The following TSPAN5 variants were observed in gnomAD, a reference collection of about 807,000 sequenced individuals.
The protein encoded by TSPAN5 is tetraspanin 5.
In TSPAN5, 10 loss-of-function variants were observed where a neutral mutation model predicts 37.1. The observed-to-expected ratio is 0.27, with a 90% CI of 0.17 to 0.46. TSPAN5 has a LOEUF of 0.46. Ranked by LOEUF, TSPAN5 falls within the 20% of genes least tolerant of loss-of-function variation. The pLI is 1.00. For missense variants in TSPAN5, 195 were observed against 326.6 expected (o/e 0.60, Z 3.11); for synonymous variants, 110 against 118.9 (o/e 0.93, Z 0.48).
At chr4:98,635,926 A>G (rs575668188) in intron 1 of TSPAN5, among the ~76,000 whole-genome samples, 2 of 152,342 alleles carry the variant, frequency 1.3e-5, no homozygotes, top group South Asian at 4.1e-4. Context: ...TAGGGTAGGG[A>G]TAGAAGAAGT....
rs115964306 is a variant in TSPAN5, at chr4:98,544,012, T to C, written c.82-36284A>G. On this transcript the variant is annotated intron_variant, in intron 1 of 7. Coordinates refer to ENST00000305798, the MANE Select transcript of TSPAN5 (RefSeq NM_005723.4). ...GGGCAACATAGTGAGATCTTGTCTC[T>C]ACAAGAAATTTTTAAAAATTAGCCA... 9.5e-3 allele frequency among the ~76,000 whole-genome samples: 1,452 copies of C among 152,076 alleles called. 26 individuals are homozygous for C. Among genetic ancestry groups the C allele is most frequent in the African/African-American group, 0.033 (1,382 of 41,454 alleles).
chr4:98,567,982 T>C (rs538396887), intron 1 of TSPAN5, among the ~76,000 whole-genome samples: 68 of 152,178 alleles, frequency 4.5e-4, no homozygotes, highest in African/African-American at 1.6e-3. Context: ...GACAACAGGA[T>C]CTACTTGAAA....
chr4:98,542,480 C>T (rs1487666964), intron 1 of TSPAN5, among the ~76,000 whole-genome samples: 2 of 151,718 alleles, frequency 1.3e-5, no homozygotes, highest in East Asian at 1.9e-4. Flanking sequence ...CTTTGGGAGG[C>T]AGAGGTGGCA....
intron 1 of TSPAN5, among the ~76,000 whole-genome samples, chr4:98,556,373 T>C (rs987145636): frequency 5.3e-5 from 8 of 152,126 alleles, no homozygotes; most frequent in Non-Finnish European, 1.2e-4. Context: ...GAGCTGCCTA[T>C]TGAGGAAAAA....
Position 98,658,554 on chromosome 4 carries a change from TC to T in TSPAN5, c.-329del. 1.2e-5 allele frequency: 2 copies of T among 170,776 alleles called. No individual in the cohort carries two copies. The highest frequency in any genetic ancestry group is 1.6e-4 in the East Asian group (1 of 6,370). 10.6% of individuals were successfully genotyped at this position (170,776 alleles called of 1,614,324 possible). A position where few individuals can be genotyped will look rare whatever the true frequency, so the allele number is the denominator to read the frequency against. ...GCCAGGCGGTCGGTCCGTCGGTTCG[TC>T]CCCGGGCTTCGGGCAAAGGCGGCCG... is the stretch of plus-strand genomic sequence containing the variant. On this transcript the variant is annotated 5_prime_UTR_variant, in exon 1 of 8. Coordinates refer to ENST00000305798, the MANE Select transcript of TSPAN5 (RefSeq NM_005723.4).
chr4:98,564,356 T>C (rs17801290), intron 1 of TSPAN5, among the ~76,000 whole-genome samples: 7,332 of 152,304 alleles, frequency 0.048, 227 homozygotes, highest in Non-Finnish European at 0.068. Flanking sequence ...ATCACATGAA[T>C]AACAACATAG....
At chr4:98,622,549 T>A (rs1230520973) in intron 1 of TSPAN5, among the ~76,000 whole-genome samples, 1 of 152,178 alleles carries the variant, frequency 6.6e-6, no homozygotes, top group Non-Finnish European at 1.5e-5. Flanking sequence ...GAGGGTTCTC[T>A]GGAGGGCTTC....
intron 1 of TSPAN5, among the ~76,000 whole-genome samples, chr4:98,607,958 G>A (rs1270314783): frequency 6.6e-6 from 1 of 152,118 alleles, no homozygotes; most frequent in Non-Finnish European, 1.5e-5. Context: ...TGATCCGCCT[G>A]CCTCGGGCTC....
rs528773051 is a variant in TSPAN5, at chr4:98,548,508, A to AT, written c.82-40781dup. Among the ~76,000 whole-genome samples, 26 of 150,656 alleles carry AT rather than the reference A, an allele frequency of 1.7e-4. 1 individual carries two copies. The highest frequency in any genetic ancestry group is 4.6e-4 in the Admixed American group (7 of 15,096). On this transcript the variant is annotated intron_variant, in intron 1 of 7. Transcript: ENST00000305798. ...GGTACCAGCTAATGGCACAGTGGCA[A>AT]TTTTTTTTTTAATTTTTAAAATTTA... is the stretch of plus-strand genomic sequence containing the variant.
chr4:98,583,582 C>T (rs1157468341), intron 1 of TSPAN5, among the ~76,000 whole-genome samples: 1 of 152,160 alleles, frequency 6.6e-6, no homozygotes, highest in Non-Finnish European at 1.5e-5. Flanking sequence ...TGGTCCTGAC[C>T]CACGTTCAAC....
chr4:98,522,012 G>A (rs1753868307), intron 1 of TSPAN5, among the ~76,000 whole-genome samples: 1 of 152,184 alleles, frequency 6.6e-6, no homozygotes, highest in Admixed American at 6.5e-5. Flanking sequence ...AATATTAAAA[G>A]TTCCTAAGAA....
In TSPAN5 at chr4:98,497,733, C is replaced by A. The variant is rs115328283; in HGVS notation, c.132+9945G>T. On this transcript the variant is annotated intron_variant, in intron 2 of 7. Coordinates refer to ENST00000305798, the MANE Select transcript of TSPAN5 (RefSeq NM_005723.4). Reference sequence around the variant, plus strand: ...TCAAGGGTTATTTCTAGCAAAACATCCAGTGACACCCTCAGGAGCTGAGTC... The same window carrying A: ...TCAAGGGTTATTTCTAGCAAAACATACAGTGACACCCTCAGGAGCTGAGTC... Among the ~76,000 whole-genome samples the A allele has an allele frequency of 7.0e-3, 1,067 of 152,258 alleles. 14 individuals carry two copies. Among genetic ancestry groups the A allele is most frequent in the African/African-American group, 0.025 (1,034 of 41,540 alleles).
intron 1 of TSPAN5, among the ~76,000 whole-genome samples, chr4:98,621,805 T>TTTC (rs1229022479): frequency 4.9e-5 from 6 of 123,144 alleles, no homozygotes; most frequent in African/African-American, 1.8e-4. Context: ...CCGCAGCCCC[T>TTTC]GGCAACCATT....
At chr4:98,589,451 C>A (rs1755573725) in intron 1 of TSPAN5, among the ~76,000 whole-genome samples, 1 of 152,062 alleles carries the variant, frequency 6.6e-6, no homozygotes, top group Admixed American at 6.6e-5. Context: ...GTGATGATGG[C>A]CCTAGCAGAC....
chr4:98,570,181 A>G (rs940400031), intron 1 of TSPAN5, among the ~76,000 whole-genome samples: 8 of 152,258 alleles, frequency 5.3e-5, no homozygotes, highest in Non-Finnish European at 4.4e-5. Context: ...TAAATCAAAC[A>G]TCAAAATCCT....
At chr4:98,583,815 A>C (rs1755423505) in intron 1 of TSPAN5, among the ~76,000 whole-genome samples, 1 of 152,260 alleles carries the variant, frequency 6.6e-6, no homozygotes, top group African/African-American at 2.4e-5. Flanking sequence ...TAAAGTGCCC[A>C]GGAGGAGACG....
chr4:98,579,984 C>T (rs1755333382), intron 1 of TSPAN5, among the ~76,000 whole-genome samples: 1 of 152,104 alleles, frequency 6.6e-6, no homozygotes, highest in Admixed American at 6.5e-5. Context: ...ATATATATGA[C>T]TATAATAGTA....
intron 1 of TSPAN5, among the ~76,000 whole-genome samples, chr4:98,538,134 C>T (rs548661152): frequency 1.3e-5 from 2 of 152,376 alleles, no homozygotes; most frequent in South Asian, 4.1e-4. Context: ...GTTCCCCAAA[C>T]TCATATAGCA....
At position 98,541,691 on chromosome 4, in the gene TSPAN5, A is replaced by AG. The variant is rs1560529865; in HGVS notation, c.82-33964_82-33963insC. On this transcript the variant is annotated intron_variant, in intron 1 of 7. Transcript: ENST00000305798. ...CTCTGTCTCAAAAAAAAAAAAAAAAAAAAAGAGAGAGAGAGAGAGAGAAGG... is the reference window on the plus strand; with the variant it reads ...CTCTGTCTCAAAAAAAAAAAAAAAAAGAAAAGAGAGAGAGAGAGAGAGAAGG... Among the ~76,000 whole-genome samples the AG allele has an allele frequency of 9.6e-5, 12 of 124,996 alleles. No individual in the cohort carries two copies. The East Asian group carries it at 1.2e-3, about 12-fold the overall frequency. The allele number at this position is 124,996 out of a possible 152,430, so 82.0% of individuals were successfully genotyped here. A position where few individuals can be genotyped will look rare whatever the true frequency, so the allele number is the denominator to read the frequency against.
Sources: gnomAD v4.1 joint callset for allele counts (sites outside exome capture counted in the v4.1 genomes callset) on GRCh38, gnomAD v4.1.1 for gene constraint, MANE v1.5 for transcripts, NCBI Gene and HGNC (gene_info 2026-07-23, HGNC 2026-07-21) for gene names.